Variants in MAN1C1 observed in about 807,000 individuals in gnomAD.
The protein encoded by MAN1C1 is mannosidase alpha class 1C member 1.
In MAN1C1, 49 loss-of-function variants were observed where a neutral mutation model predicts 71.5. That is an observed-to-expected ratio of 0.69 (90% confidence interval 0.54 to 0.87). The LOEUF (loss-of-function observed/expected upper bound fraction) is 0.87, where lower values mean the gene tolerates loss of function less well. MAN1C1 is among the 40% of genes least tolerant of loss of function. The pLI is 0.00. For missense variants in MAN1C1, 743 were observed against 835.0 expected, an observed-to-expected ratio of 0.89 and a Z score of 1.36; for synonymous variants, 352 against 343.7, an observed-to-expected ratio of 1.02 and a Z score of -0.27.
At chr1:25,763,397 G>A (rs1395901497) in intron 6 of MAN1C1, among the ~76,000 whole-genome samples, 1 of 142,852 alleles carries the variant, frequency 7.0e-6, no homozygotes, top group African/African-American at 2.6e-5. Flanking sequence ...GCTGAGGCAC[G>A]AACATTGCTT....
chr1:25,660,855 T>A (rs1354592993), intron 1 of MAN1C1, among the ~76,000 whole-genome samples: 1 of 151,996 alleles, frequency 6.6e-6, no homozygotes, highest in African/African-American at 2.4e-5. Context: ...CATGCCCAGC[T>A]AATTTTTTTA....
chr1:25,664,787 G>A (rs1005182430), intron 1 of MAN1C1, among the ~76,000 whole-genome samples: 1 of 152,202 alleles, frequency 6.6e-6, no homozygotes, highest in African/African-American at 2.4e-5. Context: ...TCGCTGGGCG[G>A]GGGCTGTGAC....
chr1:25,696,136 C>T (rs1466866931), intron 2 of MAN1C1, among the ~76,000 whole-genome samples: 2 of 152,182 alleles, frequency 1.3e-5, no homozygotes, highest in East Asian at 1.9e-4. Flanking sequence ...GCCCACTTTG[C>T]GAAGACCTTT....
At chr1:25,770,223 A>C (rs1045569212) in intron 7 of MAN1C1, among the ~76,000 whole-genome samples, 1 of 152,142 alleles carries the variant, frequency 6.6e-6, no homozygotes, top group African/African-American at 2.4e-5. Context: ...AGCCCACCCC[A>C]GCCCTTTCCA....
chr1:25,632,422 A>G (rs1034865808), intron 1 of MAN1C1, among the ~76,000 whole-genome samples: 3 of 152,206 alleles, frequency 2.0e-5, no homozygotes, highest in Non-Finnish European at 2.9e-5. Context: ...CTAATGGTCT[A>G]TCAATTTTGT....
chr1:25,741,108 T>C (rs969777493), intron 2 of MAN1C1, among the ~76,000 whole-genome samples: 56 of 151,976 alleles, frequency 3.7e-4, no homozygotes, highest in African/African-American at 1.3e-3. Flanking sequence ...AAACATGCGA[T>C]GCCCAAAGAC....
chr1:25,636,675 A>G (rs2045465876), intron 1 of MAN1C1, among the ~76,000 whole-genome samples: 1 of 152,238 alleles, frequency 6.6e-6, no homozygotes, highest in Non-Finnish European at 1.5e-5. Flanking sequence ...GACAATTATC[A>G]CAGTGGTCCT....
intron 3 of MAN1C1, among the ~76,000 whole-genome samples, chr1:25,747,698 G>T (rs781396910): frequency 1.7e-4 from 26 of 152,150 alleles, no homozygotes; most frequent in Admixed American, 3.3e-4. Flanking sequence ...ACACTTTAGG[G>T]GAGCTTCCCT....
At position 25,733,488 on chromosome 1, in the gene MAN1C1, C is replaced by T. The variant is rs568388399; in HGVS notation, c.638-13180C>T. Among the ~76,000 whole-genome samples the T allele has an allele frequency of 1.8e-4, 28 of 152,292 alleles. No homozygotes were observed. In the Middle Eastern group the frequency reaches 0.01, roughly 56 times the overall value. On this transcript the variant is annotated intron_variant, in intron 2 of 11. Transcript: ENST00000374332. Reference sequence around the variant, plus strand: ...GTGCCCTTGGCCCCTTTCTCCTGGGCCTCCTTCAAGCCTCTGCCCGAACGC... The same window carrying T: ...GTGCCCTTGGCCCCTTTCTCCTGGGTCTCCTTCAAGCCTCTGCCCGAACGC...
intron 2 of MAN1C1, among the ~76,000 whole-genome samples, chr1:25,687,843 A>G (rs575198182): frequency 6.6e-6 from 1 of 152,290 alleles, no homozygotes; most frequent in South Asian, 2.1e-4. Context: ...GCAAAAAAAA[A>G]ATCTGTTCTG....
Position 25,779,722 on chromosome 1 carries a change from C to T in MAN1C1, c.1478-1218C>T, listed in dbSNP as rs1200613667. Among the ~76,000 whole-genome samples the T allele has an allele frequency of 6.6e-6, 1 of 152,184 alleles. No homozygotes were observed. Among genetic ancestry groups the T allele is most frequent in the African/African-American group, 2.4e-5 (1 of 41,446 alleles). On this transcript the variant is annotated intron_variant, in intron 9 of 11. Coordinates refer to ENST00000374332, the MANE Select transcript of MAN1C1 (RefSeq NM_020379.4). This position sits in a 1 kb window ranked among gnomAD's most constrained non-coding sequence, Gnocchi z 4.6. Reference sequence around the variant, plus strand: ...TGACTGTTTTCTGATGGCCAGGAGCCGCTACACCATTTGAAAAGGTTAGAG... The same window carrying T: ...TGACTGTTTTCTGATGGCCAGGAGCTGCTACACCATTTGAAAAGGTTAGAG...
chr1:25,739,006 A>T (rs2047020878), intron 2 of MAN1C1, among the ~76,000 whole-genome samples: 1 of 152,088 alleles, frequency 6.6e-6, no homozygotes, highest in South Asian at 2.1e-4. Context: ...CTACAAAAAA[A>T]TTTTAAAAGT....
chr1:25,722,882 T>G (rs1018603982), intron 2 of MAN1C1, among the ~76,000 whole-genome samples: 7 of 152,212 alleles, frequency 4.6e-5, no homozygotes, highest in African/African-American at 1.7e-4. Flanking sequence ...ATATAGGTGT[T>G]TGTTCTCTAG....
intron 1 of MAN1C1, among the ~76,000 whole-genome samples, chr1:25,667,136 G>C (rs1219132918): frequency 2.0e-5 from 3 of 152,134 alleles, no homozygotes; most frequent in Admixed American, 2.0e-4. Context: ...GGAGGAGAGA[G>C]CTCAAAATCC....
At chr1:25,655,913 C>T (rs564031290) in intron 1 of MAN1C1, among the ~76,000 whole-genome samples, 42 of 151,956 alleles carry the variant, frequency 2.8e-4, no homozygotes, top group African/African-American at 9.4e-4. Flanking sequence ...AATAACTCCC[C>T]CAGGGCTGTG....
At chr1:25,649,216 C>T (rs2045656995) in intron 1 of MAN1C1, among the ~76,000 whole-genome samples, 1 of 152,194 alleles carries the variant, frequency 6.6e-6, no homozygotes, top group South Asian at 2.1e-4. Context: ...ACTCCTGGCA[C>T]CATTTCTCTG....
At chr1:25,640,295 T>G (rs997668716) in intron 1 of MAN1C1, among the ~76,000 whole-genome samples, 1 of 152,232 alleles carries the variant, frequency 6.6e-6, no homozygotes, top group African/African-American at 2.4e-5. Context: ...GTCTCTTACT[T>G]AAGATCCCTC....
At chr1:25,632,934 C>A (rs1415516548) in intron 1 of MAN1C1, among the ~76,000 whole-genome samples, 1 of 139,406 alleles carries the variant, frequency 7.2e-6, no homozygotes, top group Non-Finnish European at 1.5e-5. Context: ...GTGGCACAAT[C>A]TTGGCTCACT....
chr1:25,622,718 G>A (rs1237500909), intron 1 of MAN1C1, among the ~76,000 whole-genome samples: 3 of 152,208 alleles, frequency 2.0e-5, no homozygotes, highest in South Asian at 2.1e-4. Context: ...CAGGGAGGGA[G>A]CACCCCAGCT....
Sources: allele counts gnomAD v4.1 joint callset (sites outside exome capture counted in the v4.1 genomes callset), GRCh38; gene constraint gnomAD v4.1.1; non-coding constraint Gnocchi (gnomAD v3.1); transcripts MANE v1.5; gene names NCBI Gene and HGNC (gene_info 2026-07-23, HGNC 2026-07-21).